The following EXOC6B variants were observed in gnomAD, a reference collection of about 807,000 sequenced individuals.
EXOC6B encodes SEC15 homolog B.
Under a neutral mutation model 113.5 loss-of-function variants are expected in EXOC6B, and 54 were observed. The observed-to-expected ratio is 0.48, with a 90% CI of 0.38 to 0.60. The LOEUF (loss-of-function observed/expected upper bound fraction) is 0.60. Among genes scored for constraint, EXOC6B ranks in the 20% least tolerant of loss-of-function variants. The pLI, the probability that EXOC6B is intolerant of heterozygous loss-of-function variation, is 0.00. For synonymous variants in EXOC6B, 357 were observed against 339.0 expected, an observed-to-expected ratio of 1.05 and a Z score of -0.58; for missense variants, 797 against 977.5, an observed-to-expected ratio of 0.82 and a Z score of 2.46.
chr2:72,470,917 C>T (rs768816383), intron 17 of EXOC6B, among the ~76,000 whole-genome samples: 3 of 152,134 alleles, frequency 2.0e-5, no homozygotes, highest in Admixed American at 6.5e-5. Context: ...AATAGTGCCG[C>T]AATAAACATA....
At chr2:72,348,178 A>C (rs1314114126) in intron 19 of EXOC6B, among the ~76,000 whole-genome samples, 1 of 152,148 alleles carries the variant, frequency 6.6e-6, no homozygotes. Context: ...AGAAGGAGTA[A>C]GGGATCTCTC....
intron 19 of EXOC6B, among the ~76,000 whole-genome samples, chr2:72,366,736 A>G (rs1049948368): frequency 6.6e-6 from 1 of 152,034 alleles, no homozygotes; most frequent in Admixed American, 6.5e-5. Context: ...CAAAAAGCTT[A>G]TCATCAGAAA....
At chr2:72,180,577 C>G (rs917301840) in intron 21 of EXOC6B, among the ~76,000 whole-genome samples, 1 of 152,200 alleles carries the variant, frequency 6.6e-6, no homozygotes, top group Non-Finnish European at 1.5e-5. Context: ...GGCCAGCCCT[C>G]TGACTTCACT....
chr2:72,640,772 G>C (rs948723396), intron 6 of EXOC6B, among the ~76,000 whole-genome samples: 3 of 152,090 alleles, frequency 2.0e-5, no homozygotes, highest in African/African-American at 4.8e-5. Flanking sequence ...TAAAGGGATG[G>C]AGAAAAATCT....
intron 1 of EXOC6B, among the ~76,000 whole-genome samples, chr2:72,764,060 C>T (rs370023569): frequency 3.3e-5 from 5 of 152,058 alleles, no homozygotes; most frequent in African/African-American, 1.2e-4. Context: ...GCATGGGCGA[C>T]AGAGCGAGCA....
At chr2:72,803,860 C>CCTAA (rs1402586805) in intron 1 of EXOC6B, among the ~76,000 whole-genome samples, 2 of 152,128 alleles carry the variant, frequency 1.3e-5, no homozygotes, top group Non-Finnish European at 2.9e-5. Flanking sequence ...ATGGCACAAC[C>CCTAA]TTAGATATGG....
At chr2:72,817,415 CAG>C (rs1686312562) in intron 1 of EXOC6B, among the ~76,000 whole-genome samples, 1 of 152,124 alleles carries the variant, frequency 6.6e-6, no homozygotes, top group African/African-American at 2.4e-5. Flanking sequence ...ATTTTTAAGA[CAG>C]TTAATCTGCA....
Position 72,498,492 on chromosome 2 carries a change from A to G in EXOC6B, c.1299T>C (p.Tyr433=). The change falls in exon 13 of 22, where the codon TAT becomes TAC. Residue 433 remains tyrosine, a synonymous_variant. Coordinates refer to ENST00000272427, the MANE Select transcript of EXOC6B (RefSeq NM_015189.3). ...CCCACTTCTTTAGCAGAGTTTCACT[A>G]TATTGGTCTCTGATTTCTAACAGCA... is the stretch of plus-strand genomic sequence containing the variant. ...FDMLLEIRDQ[Y]SETLLKKWAG... 1 of 1,611,918 alleles carries G rather than the reference A, an allele frequency of 6.2e-7. No individual in the cohort carries two copies. The highest frequency in any genetic ancestry group is 1.7e-5 in the Admixed American group (1 of 59,822).
At chr2:72,476,053 C>T (rs1698720167) in intron 17 of EXOC6B, among the ~76,000 whole-genome samples, 1 of 152,140 alleles carries the variant, frequency 6.6e-6, no homozygotes, top group Non-Finnish European at 1.5e-5. Flanking sequence ...GCTATAGCTG[C>T]TTAGGTCTCA....
At chr2:72,285,709 A>G (rs1386043199) in intron 20 of EXOC6B, among the ~76,000 whole-genome samples, 2 of 152,144 alleles carry the variant, frequency 1.3e-5, no homozygotes, top group African/African-American at 2.4e-5. Context: ...TAAGCCACAG[A>G]CTGGGAGAAA....
chr2:72,551,035 G>A (rs1349035648), intron 8 of EXOC6B, among the ~76,000 whole-genome samples: 2 of 151,184 alleles, frequency 1.3e-5, no homozygotes, highest in African/African-American at 4.9e-5. Context: ...AAGTGACTGA[G>A]TTAGGCACTA....
chr2:72,818,515 G>C (rs1022523791), intron 1 of EXOC6B, among the ~76,000 whole-genome samples: 5 of 151,808 alleles, frequency 3.3e-5, no homozygotes, highest in African/African-American at 1.2e-4. Context: ...GGCTGGTCTT[G>C]AACTCCTGGC....
intron 18 of EXOC6B, among the ~76,000 whole-genome samples, chr2:72,384,103 G>A (rs1333415870): frequency 6.6e-6 from 1 of 151,978 alleles, no homozygotes; most frequent in Non-Finnish European, 1.5e-5. Flanking sequence ...CTCATGACAT[G>A]AGTATACCTA....
At position 72,781,436 on chromosome 2, in the gene EXOC6B, G is replaced by A. The variant is rs553036176; in HGVS notation, c.114-39967C>T. Among the ~76,000 whole-genome samples the A allele has an allele frequency of 5.9e-5, 9 of 152,302 alleles. No homozygotes were observed. In the South Asian group the frequency reaches 1.7e-3, roughly 28 times the overall value. ...TACAATGTCCTTACTCTGAGAAGCAGCCAATTATCTAGAGTCAGTAAGCTT... is the reference window on the plus strand; with the variant it reads ...TACAATGTCCTTACTCTGAGAAGCAACCAATTATCTAGAGTCAGTAAGCTT... On this transcript the variant is annotated intron_variant, in intron 1 of 21. Transcript: ENST00000272427.
At chr2:72,701,205 T>G (rs1678315027) in intron 6 of EXOC6B, among the ~76,000 whole-genome samples, 1 of 149,858 alleles carries the variant, frequency 6.7e-6, no homozygotes, top group Non-Finnish European at 1.5e-5. Flanking sequence ...TAGCTGGGCA[T>G]GGTTGTTGTG....
chr2:72,523,329 AT>A (rs992276868), intron 8 of EXOC6B, among the ~76,000 whole-genome samples: 15 of 152,150 alleles, frequency 9.9e-5, no homozygotes, highest in African/African-American at 3.6e-4. Context: ...CATCCAGAAC[AT>A]TTCAAACCAT....
intron 16 of EXOC6B, among the ~76,000 whole-genome samples, chr2:72,484,523 C>A (rs1699310702): frequency 1.3e-5 from 2 of 148,692 alleles, no homozygotes; most frequent in African/African-American, 5.0e-5. Context: ...GCCGAGATCA[C>A]GCCACTGCAC....
In EXOC6B at chr2:72,461,071, A is replaced by G. The variant is rs190883370; in HGVS notation, c.1980+4089T>C. The stretch of plus-strand genomic sequence containing the variant: ...ATGTCCTTTGTAGGGACACGGATGA[A>G]ACTGGAAATCATCATTCTCAGTAAA... On this transcript the variant is annotated intron_variant, in intron 18 of 21. Transcript: ENST00000272427. 6.2e-3 allele frequency among the ~76,000 whole-genome samples: 940 copies of G among 152,070 alleles called. 4 individuals carry two copies. The highest frequency in any genetic ancestry group is 9.2e-3 in the Non-Finnish European group (623 of 68,002).
At chr2:72,746,876 T>C (rs1681732957) in intron 1 of EXOC6B, among the ~76,000 whole-genome samples, 1 of 152,010 alleles carries the variant, frequency 6.6e-6, no homozygotes. Context: ...AAAATGTTAG[T>C]TGAAACAGGT....
Sources: gnomAD v4.1 joint callset for allele counts (sites outside exome capture counted in the v4.1 genomes callset) on GRCh38, gnomAD v4.1.1 for gene constraint, MANE v1.5 for transcripts, NCBI Gene and HGNC (gene_info 2026-07-23, HGNC 2026-07-21) for gene names.